Variants in AKAP7 observed in about 807,000 individuals in gnomAD.
AKAP7 encodes A kinase (PRKA) anchor protein 7.
A neutral mutation model predicts 39.5 loss-of-function variants in AKAP7; 39 were observed. That is an observed-to-expected ratio of 0.99 (90% CI 0.76 to 1.29). AKAP7 has a LOEUF of 1.29. AKAP7 is among the 50% of genes most tolerant of loss of function. The pLI is 0.00. For synonymous variants in AKAP7, 140 were observed against 139.1 expected, an observed-to-expected ratio of 1.01 and a Z score of -0.05; for missense variants, 414 against 407.7, an observed-to-expected ratio of 1.02 and a Z score of -0.13.
chr6:131,210,610 C>T (rs1345025374), intron 6 of AKAP7, among the ~76,000 whole-genome samples: 1 of 152,232 alleles, frequency 6.6e-6, no homozygotes, highest in Admixed American at 6.5e-5. Context: ...AACTACCTCT[C>T]TTCCTTCCTT....
intron 5 of AKAP7, among the ~76,000 whole-genome samples, chr6:131,196,192 G>A (rs558014629): frequency 6.6e-5 from 10 of 151,446 alleles, no homozygotes; most frequent in Admixed American, 6.6e-5. Flanking sequence ...CTGTCCTCAA[G>A]CTTACTAATT....
At chr6:131,266,007 AG>A (rs1404421959) in intron 7 of AKAP7, among the ~76,000 whole-genome samples, 3 of 152,226 alleles carry the variant, frequency 2.0e-5, no homozygotes, top group African/African-American at 4.8e-5. Flanking sequence ...CTTAATGAGC[AG>A]GACACTAGAT....
At chr6:131,241,627 GTATA>G (rs60816569) in intron 7 of AKAP7, among the ~76,000 whole-genome samples, 5 of 86,638 alleles carry the variant, frequency 5.8e-5, no homozygotes, top group Non-Finnish European at 1.1e-4. Flanking sequence ...GTGTGTGTGT[GTATA>G]TATATATGAC....
At chr6:131,247,269 GTATATATATATATATATATA>G (rs60033504) in intron 7 of AKAP7, among the ~76,000 whole-genome samples, 15,142 of 92,068 alleles carry the variant, frequency 0.16, 1,521 homozygotes, top group Non-Finnish European at 0.2. Context: ...CATTTCATAT[GTATATATATATATATATATA>G]TATATATATA....
chr6:131,228,681 A>T (rs944982105), intron 7 of AKAP7, among the ~76,000 whole-genome samples: 2 of 152,088 alleles, frequency 1.3e-5, no homozygotes, highest in African/African-American at 4.8e-5. Context: ...TAGGTTCACC[A>T]GTTCTTAGAA....
intron 5 of AKAP7, among the ~76,000 whole-genome samples, chr6:131,187,916 G>A (rs1189980880): frequency 6.6e-6 from 1 of 152,164 alleles, no homozygotes; most frequent in Non-Finnish European, 1.5e-5. Context: ...GATAAGAAGG[G>A]ACCTGAGAGA....
intron 7 of AKAP7, among the ~76,000 whole-genome samples, chr6:131,241,615 G>GTATATATACGTATATATATATATA (rs1461603235): frequency 6.9e-5 from 7 of 101,336 alleles, no homozygotes; most frequent in Non-Finnish European, 1.2e-4. Flanking sequence ...GTGTGTGTGT[G>GTATATATACGTATATATATATATA]TGTGTGTGTG....
At chr6:131,200,240 G>C (rs1184408983) in intron 6 of AKAP7, among the ~76,000 whole-genome samples, 2 of 152,160 alleles carry the variant, frequency 1.3e-5, no homozygotes, top group African/African-American at 4.8e-5. Context: ...TCCCGCAGAA[G>C]TCGGAGCAAC....
chr6:131,151,515 C>T (rs1246711642), intron 2 of AKAP7, among the ~76,000 whole-genome samples: 15 of 151,074 alleles, frequency 9.9e-5, no homozygotes, highest in East Asian at 9.9e-4. Context: ...GAGGCTGAGG[C>T]GGGTGGATCA....
At chr6:131,208,714 A>G (rs1171448464) in intron 6 of AKAP7, among the ~76,000 whole-genome samples, 7 of 152,230 alleles carry the variant, frequency 4.6e-5, no homozygotes, top group Non-Finnish European at 7.3e-5. Context: ...GCAAATGCTT[A>G]TTGTGAATCT....
rs538593883 is a variant in AKAP7 at position 131,242,070 on chromosome 6, T to A, written c.850+22262T>A. 2.4e-5 allele frequency: 24 copies of A among 982,652 alleles called. No homozygotes were observed. The South Asian group carries it at 9.9e-4, about 41-fold the overall frequency. The allele number at this position is 982,652 out of a possible 1,614,324, so 60.9% of individuals were successfully genotyped here. On this transcript the variant is annotated intron_variant, in intron 7 of 7. Coordinates refer to ENST00000431975, the MANE Select transcript of AKAP7 (RefSeq NM_016377.4). ...CCTTTGATATTGTATCTGACCGTAA[T>A]ATGTTTTATATAAAATGCCTAAGGG...
At chr6:131,203,962 A>G (rs992116622) in intron 6 of AKAP7, among the ~76,000 whole-genome samples, 1 of 152,074 alleles carries the variant, frequency 6.6e-6, no homozygotes, top group Non-Finnish European at 1.5e-5. Context: ...GACATTATAA[A>G]CCTTCAGAAA....
At chr6:131,215,922 T>G (rs566529573) in intron 6 of AKAP7, among the ~76,000 whole-genome samples, 1 of 152,336 alleles carries the variant, frequency 6.6e-6, no homozygotes, top group South Asian at 2.1e-4. Context: ...TGTATTTCTT[T>G]TATAGCTACT....
chr6:131,190,983 C>G (rs956831204), intron 5 of AKAP7, among the ~76,000 whole-genome samples: 1 of 152,178 alleles, frequency 6.6e-6, no homozygotes, highest in African/African-American at 2.4e-5. Flanking sequence ...TTGGCACATA[C>G]AGGGAGTGCT....
chr6:131,228,719 TTAGA>T (rs1810396971), intron 7 of AKAP7, among the ~76,000 whole-genome samples: 1 of 152,234 alleles, frequency 6.6e-6, no homozygotes, highest in South Asian at 2.1e-4. Flanking sequence ...TGGTGGTCCT[TTAGA>T]TACTTTTAGG....
At chr6:131,248,018 TA>T (rs1812173097) in intron 7 of AKAP7, among the ~76,000 whole-genome samples, 1 of 152,152 alleles carries the variant, frequency 6.6e-6, no homozygotes, top group African/African-American at 2.4e-5. Context: ...GCACGAACAT[TA>T]TCCTCCTGGG....
At chr6:131,237,744 C>T (rs921363260) in intron 7 of AKAP7, among the ~76,000 whole-genome samples, 37 of 152,072 alleles carry the variant, frequency 2.4e-4, no homozygotes, top group East Asian at 1.2e-3. Context: ...GTGGGATCAG[C>T]GGTGATATCC....
chr6:131,172,591 G>C (rs918904803), intron 5 of AKAP7, among the ~76,000 whole-genome samples: 3 of 152,094 alleles, frequency 2.0e-5, no homozygotes, highest in African/African-American at 4.8e-5. Context: ...GCCTCATAAA[G>C]TGTTGGGATT....
At chr6:131,183,324 G>T (rs1348788284) in intron 5 of AKAP7, among the ~76,000 whole-genome samples, 2 of 152,160 alleles carry the variant, frequency 1.3e-5, no homozygotes, top group African/African-American at 4.8e-5. Flanking sequence ...TAGCGAGCAT[G>T]CAGGGGAAGA....
Sources: gnomAD v4.1 joint callset for allele counts (sites outside exome capture counted in the v4.1 genomes callset) on GRCh38, gnomAD v4.1.1 for gene constraint, MANE v1.5 for transcripts, NCBI Gene and HGNC (gene_info 2026-07-23, HGNC 2026-07-21) for gene names.